Variants in CACNA2D2 observed in about 807,000 individuals in gnomAD.
The protein encoded by CACNA2D2 is voltage-dependent calcium channel subunit alpha-2/delta-2.
A neutral mutation model predicts 166.4 loss-of-function variants in CACNA2D2; 48 were observed. That is an observed-to-expected ratio of 0.29 (90% confidence interval 0.23 to 0.37). The LOEUF (loss-of-function observed/expected upper bound fraction) is 0.37, where lower values mean the gene tolerates loss of function less well. Ranked by LOEUF, CACNA2D2 falls within the 10% of genes least tolerant of loss-of-function variation. The pLI is 1.00. For missense variants in CACNA2D2, 1,122 were observed against 1,433.0 expected (o/e 0.78, Z 3.50); for synonymous variants, 561 against 573.7 (o/e 0.98, Z 0.32).
intron 2 of CACNA2D2, among the ~76,000 whole-genome samples, chr3:50,448,537 G>C (rs141014050): frequency 2.0e-5 from 3 of 152,270 alleles, no homozygotes; most frequent in African/African-American, 7.2e-5. Flanking sequence ...ATATCCTGGT[G>C]CCTGTGTGTC....
chr3:50,375,513 GA>G lies in CACNA2D2; in HGVS notation c.1907+130del. 1.1e-6 allele frequency: 1 copy of G among 872,234 alleles called. No individual in the cohort carries two copies. The highest frequency in any genetic ancestry group is 1.8e-6 in the Non-Finnish European group (1 of 551,022). The allele number at this position is 872,234 out of a possible 1,614,324, so 54.0% of individuals were successfully genotyped here. On this transcript the variant is annotated intron_variant, in intron 21 of 37. Coordinates refer to ENST00000424201, the MANE Select transcript of CACNA2D2 (RefSeq NM_006030.4). This position sits in a 1 kb window ranked among gnomAD's most constrained non-coding sequence, Gnocchi z 4.0. The stretch of plus-strand genomic sequence containing the variant: ...CTTGGCAGACTAAGCATCTCAGGGT[GA>G]GTAGTGAGCAGCCCTGGCCACTGGT...
intron 5 of CACNA2D2, among the ~76,000 whole-genome samples, chr3:50,386,680 C>T (rs1465919145): frequency 6.6e-6 from 1 of 152,100 alleles, no homozygotes; most frequent in Non-Finnish European, 1.5e-5. Context: ...TCATTGGGTA[C>T]CTCTCACTTG....
At chr3:50,442,544 G>A (rs1403682431) in intron 2 of CACNA2D2, among the ~76,000 whole-genome samples, 1 of 152,134 alleles carries the variant, frequency 6.6e-6, no homozygotes, top group Admixed American at 6.5e-5. Context: ...TGGCCTCCTG[G>A]GGATGATGCA....
Position 50,381,221 on chromosome 3 carries a change from T to C in CACNA2D2, c.653-95A>G, listed in dbSNP as rs2106671322. On this transcript the variant is annotated intron_variant, in intron 6 of 37. Transcript: ENST00000424201. ...CTCATGCCTGTGCCCCCATTTAGAA[T>C]CCCCCAACTGTTCTCGGCCTATCCA... 16 of 1,439,984 alleles carry C rather than the reference T, an allele frequency of 1.1e-5. No individual in the cohort carries two copies. The South Asian group carries it at 1.7e-4, about 15-fold the overall frequency. 89.2% of individuals were successfully genotyped at this position (1,439,984 alleles called of 1,614,324 possible).
At chr3:50,387,743 GC>G (rs1176580054) in intron 4 of CACNA2D2, 131 bp from the exon 5 acceptor site, 3 of 722,400 alleles carry the variant, frequency 4.2e-6, no homozygotes, top group Non-Finnish European at 6.9e-6. Flanking sequence ...CCCACCCAGA[GC>G]CCCCCTCCTG....
At chr3:50,406,398 G>A (rs745422493) in intron 3 of CACNA2D2, among the ~76,000 whole-genome samples, 3 of 151,714 alleles carry the variant, frequency 2.0e-5, no homozygotes, top group Non-Finnish European at 4.4e-5. Context: ...GGACAGGGCT[G>A]CCTGGAGGAC....
chr3:50,501,972 CAGCCAGGCTGTG>C (rs951887628), intron 1 of CACNA2D2, among the ~76,000 whole-genome samples: 3 of 152,160 alleles, frequency 2.0e-5, no homozygotes, highest in Non-Finnish European at 4.4e-5. Flanking sequence ...TGCCTGAGCA[CAGCCAGGCTGTG>C]CAATGAGAGA....
chr3:50,389,321 G>A (rs1203134794), intron 4 of CACNA2D2, among the ~76,000 whole-genome samples: 3 of 152,252 alleles, frequency 2.0e-5, no homozygotes, highest in South Asian at 4.1e-4. Context: ...AACTGAGGGG[G>A]AAAAAATATC....
At chr3:50,477,161 C>A (rs989216366) in intron 1 of CACNA2D2, among the ~76,000 whole-genome samples, 4 of 151,844 alleles carry the variant, frequency 2.6e-5, no homozygotes, top group African/African-American at 9.7e-5. Context: ...GATCTCCTGA[C>A]CTTGTGATCC....
intron 22 of CACNA2D2, among the ~76,000 whole-genome samples, chr3:50,371,733 G>A (rs1456305461): frequency 6.6e-6 from 1 of 152,092 alleles, no homozygotes; most frequent in Non-Finnish European, 1.5e-5. Context: ...GCAGGGTTTG[G>A]ACACAAGCCG....
At chr3:50,389,758 G>A (rs1332885366) in intron 4 of CACNA2D2, among the ~76,000 whole-genome samples, 1 of 152,204 alleles carries the variant, frequency 6.6e-6, no homozygotes, top group Non-Finnish European at 1.5e-5. Flanking sequence ...AGGATTCTTA[G>A]TCCCCTGCAG....
intron 3 of CACNA2D2, among the ~76,000 whole-genome samples, chr3:50,409,516 C>T (rs372054366): frequency 2.0e-5 from 3 of 152,366 alleles, no homozygotes; most frequent in African/African-American, 7.2e-5. Flanking sequence ...CTGTGCTGCA[C>T]ACGGAGCTGT....
intron 2 of CACNA2D2, among the ~76,000 whole-genome samples, chr3:50,458,166 C>A (rs1274360680): frequency 1.3e-5 from 2 of 152,228 alleles, no homozygotes; most frequent in Non-Finnish European, 2.9e-5. Flanking sequence ...CAAAGCCCTT[C>A]CCCGCTGCTG....
intron 2 of CACNA2D2, among the ~76,000 whole-genome samples, chr3:50,438,539 T>C (rs1454333613): frequency 1.3e-5 from 2 of 152,150 alleles, no homozygotes; most frequent in Admixed American, 6.5e-5. Flanking sequence ...CTTGCAGGAA[T>C]GGTGACCTTG....
chr3:50,398,657 G>A (rs886342963), intron 3 of CACNA2D2, among the ~76,000 whole-genome samples: 3 of 152,148 alleles, frequency 2.0e-5, no homozygotes, highest in Non-Finnish European at 2.9e-5. Flanking sequence ...GGCTGCCCAT[G>A]GCGATGCGGC....
At chr3:50,500,484 C>T (rs1698915437) in intron 1 of CACNA2D2, among the ~76,000 whole-genome samples, 1 of 151,952 alleles carries the variant, frequency 6.6e-6, no homozygotes, top group East Asian at 1.9e-4. Context: ...CGATGAAAGA[C>T]CTGAAGAAGG....
intron 13 of CACNA2D2, 54 bp from the exon 14 acceptor site, chr3:50,378,387 T>G: frequency 6.6e-7 from 1 of 1,517,780 alleles, no homozygotes; most frequent in Non-Finnish European, 9.0e-7. Context: ...AGGATCCATG[T>G]GCAGAGGGCC....
At chr3:50,369,420 G>C (rs1704529961) in intron 23 of CACNA2D2, among the ~76,000 whole-genome samples, 2 of 152,180 alleles carry the variant, frequency 1.3e-5, no homozygotes, top group Admixed American at 1.3e-4. Context: ...CTAACACACA[G>C]AGCCACCCCC....
Position 50,365,684 on chromosome 3 carries a change from G to A in CACNA2D2, c.2920C>T (p.Leu974=), listed in dbSNP as rs1704221970. Residue 974 remains leucine (L), a synonymous_variant, in exon 34 of 38, where the codon CTG becomes TTG. Transcript: ENST00000424201. The surrounding 1 kb of genome is among the most constrained non-coding windows in gnomAD (Gnocchi z 4.5). ...AGGCCGTAGAGAAGCTGCTGGAACA[G>A]GGACCTGCAGCGCACGGGGAGCCGA... The part of the protein sequence containing the change: ...AWWTSAAAWS[L]FQQLLYGLIY... 6.3e-7 allele frequency: 1 copy of A among 1,588,440 alleles called. No individual in the cohort carries two copies. Among genetic ancestry groups the A allele is most frequent in the South Asian group, 1.1e-5 (1 of 87,786 alleles).
Sources: gnomAD v4.1 joint callset for allele counts (sites outside exome capture counted in the v4.1 genomes callset) on GRCh38, gnomAD v4.1.1 for gene constraint, Gnocchi (gnomAD v3.1) non-coding constraint, MANE v1.5 for transcripts, NCBI Gene and HGNC (gene_info 2026-07-23, HGNC 2026-07-21) for gene names.